LRRTM3: variants seen among roughly 807,000 people sequenced by gnomAD.
The protein encoded by LRRTM3 is leucine rich repeat transmembrane neuronal 3, also known as leucine-rich repeat transmembrane neuronal protein 3.
A neutral mutation model predicts 44.7 loss-of-function variants in LRRTM3; 24 were observed. The observed-to-expected ratio is 0.54, with a 90% CI of 0.39 to 0.76. The LOEUF (loss-of-function observed/expected upper bound fraction) is 0.76, where lower values mean the gene tolerates loss of function less well. Among genes scored for constraint, LRRTM3 ranks in the 30% least tolerant of loss-of-function variants. The pLI, the probability that LRRTM3 is intolerant of heterozygous loss-of-function variation, is 0.00. For synonymous variants in LRRTM3, 277 were observed against 278.7 expected, an observed-to-expected ratio of 0.99 and a Z score of 0.06; for missense variants, 587 against 702.2, an observed-to-expected ratio of 0.84 and a Z score of 1.85.
At chr10:66,998,027 C>T (rs1441992164) in intron 2 of LRRTM3, among the ~76,000 whole-genome samples, 1 of 152,214 alleles carries the variant, frequency 6.6e-6, no homozygotes, top group East Asian at 1.9e-4. Context: ...CCACCAGGCT[C>T]AGTTTCATCC....
intron 2 of LRRTM3, among the ~76,000 whole-genome samples, chr10:66,974,847 TTTAG>T (rs1411879173): frequency 6.6e-6 from 1 of 152,104 alleles, no homozygotes; most frequent in Non-Finnish European, 1.5e-5. Flanking sequence ...TTCATCTATA[TTTAG>T]TTGAGTTGTT....
intron 2 of LRRTM3, among the ~76,000 whole-genome samples, chr10:67,031,933 CAA>C (rs1350723070): frequency 2.6e-5 from 4 of 152,148 alleles, no homozygotes; most frequent in African/African-American, 7.2e-5. Flanking sequence ...TCAATAGTAA[CAA>C]TAACTTTAGC....
chr10:67,037,509 G>GT (rs1223486490), intron 2 of LRRTM3, among the ~76,000 whole-genome samples: 2 of 152,054 alleles, frequency 1.3e-5, no homozygotes, highest in Non-Finnish European at 2.9e-5. Context: ...AGATGTTTAG[G>GT]TAGAGGAGTG....
rs1275921429 is a variant in LRRTM3 at position 67,007,066 on chromosome 10, G to T, written c.1536+78614G>T. The stretch of plus-strand genomic sequence containing the variant: ...CCTGCTCAGCCTCCCAAAGTGCTGG[G>T]ATTACAGGCGTGAGCCACCACACCC... On this transcript the variant is annotated intron_variant, in intron 2 of 2. Coordinates refer to ENST00000361320, the MANE Select transcript of LRRTM3 (RefSeq NM_178011.5). Among the ~76,000 whole-genome samples the T allele has an allele frequency of 2.6e-5, 4 of 152,150 alleles. No individual in the cohort carries two copies. The East Asian group carries it at 7.7e-4, about 29-fold the overall frequency.
chr10:66,969,990 A>G (rs1371849818), intron 2 of LRRTM3, among the ~76,000 whole-genome samples: 3 of 152,132 alleles, frequency 2.0e-5, no homozygotes, highest in Admixed American at 6.5e-5. Context: ...CTCCCACATC[A>G]TTATTACAAA....
chr10:66,978,067 TACACAC>T lies in LRRTM3; in HGVS notation c.1536+49635_1536+49640del, dbSNP rs3056586. 2.7e-3 allele frequency among the ~76,000 whole-genome samples: 306 copies of T among 114,060 alleles called. 1 individual carries two copies. The highest frequency in any genetic ancestry group is 7.1e-3 in the African/African-American group (248 of 34,900). The allele number at this position is 114,060 out of a possible 152,430, so 74.8% of individuals were successfully genotyped here. ...ATTTGCACACACATATATATATATA[TACACAC>T]ACACACACACACACACACATGCGAT... On this transcript the variant is annotated intron_variant, in intron 2 of 2. Transcript: ENST00000361320.
At chr10:67,026,032 C>T (rs1480479170) in intron 2 of LRRTM3, among the ~76,000 whole-genome samples, 2 of 150,200 alleles carry the variant, frequency 1.3e-5, no homozygotes, top group East Asian at 3.9e-4. Context: ...ACCGCATGTT[C>T]TCATTCATAG....
chr10:66,997,427 C>A (rs1443972400), intron 2 of LRRTM3, among the ~76,000 whole-genome samples: 3 of 152,176 alleles, frequency 2.0e-5, no homozygotes, highest in Admixed American at 1.3e-4. Context: ...GCACTTTAAG[C>A]ATGATTTAAT....
intron 2 of LRRTM3, among the ~76,000 whole-genome samples, chr10:67,005,173 C>A (rs1851897783): frequency 6.6e-6 from 1 of 152,046 alleles, no homozygotes; most frequent in Admixed American, 6.6e-5. Flanking sequence ...CATTTTACTG[C>A]TTTTATTTAT....
At position 66,974,431 on chromosome 10, in the gene LRRTM3, A is replaced by C. The variant is rs551000200; in HGVS notation, c.1536+45979A>C. ...GTTGATGGACATTTAGGTTGCCTCC[A>C]GTTTTTGACTATTGTGAATTAAGCT... On this transcript the variant is annotated intron_variant, in intron 2 of 2. Coordinates refer to ENST00000361320, the MANE Select transcript of LRRTM3 (RefSeq NM_178011.5). Among the ~76,000 whole-genome samples, 3 of 152,276 alleles carry C rather than the reference A, an allele frequency of 2.0e-5. No homozygotes were observed. The East Asian group carries it at 5.8e-4, about 29-fold the overall frequency.
intron 2 of LRRTM3, among the ~76,000 whole-genome samples, chr10:67,081,813 G>A (rs1012983411): frequency 2.6e-5 from 4 of 152,088 alleles, no homozygotes; most frequent in African/African-American, 9.7e-5. Flanking sequence ...TCCCCTCTGA[G>A]GTCTTTCCTG....
intron 2 of LRRTM3, among the ~76,000 whole-genome samples, chr10:67,019,359 C>T (rs565048877): frequency 3.3e-5 from 5 of 152,176 alleles, no homozygotes; most frequent in Admixed American, 1.3e-4. Context: ...GCTGGGATTA[C>T]AGGCATGTGC....
chr10:67,050,100 C>T (rs2133180807), intron 2 of LRRTM3, among the ~76,000 whole-genome samples: 1 of 152,308 alleles, frequency 6.6e-6, no homozygotes, highest in East Asian at 1.9e-4. Context: ...TATACATTTC[C>T]TTCCTCTGAT....
At chr10:67,039,990 A>C (rs1854294724) in intron 2 of LRRTM3, among the ~76,000 whole-genome samples, 1 of 152,018 alleles carries the variant, frequency 6.6e-6, no homozygotes, top group South Asian at 2.1e-4. Flanking sequence ...CAGGAATGTC[A>C]CCCTGTCCTG....
At chr10:67,001,125 A>C (rs2132984761) in intron 2 of LRRTM3, among the ~76,000 whole-genome samples, 1 of 151,634 alleles carries the variant, frequency 6.6e-6, no homozygotes, top group South Asian at 2.1e-4. Flanking sequence ...ACATGATGAA[A>C]CCCTGTCTCT....
intron 2 of LRRTM3, among the ~76,000 whole-genome samples, chr10:67,089,959 C>T (rs1857532904): frequency 6.6e-6 from 1 of 151,938 alleles, no homozygotes; most frequent in Admixed American, 6.6e-5. Context: ...AGAAAAAATT[C>T]AAGACAAGTA....
At chr10:67,009,239 A>G (rs1458451736) in intron 2 of LRRTM3, among the ~76,000 whole-genome samples, 1 of 152,080 alleles carries the variant, frequency 6.6e-6, no homozygotes, top group Non-Finnish European at 1.5e-5. Flanking sequence ...TTATATTTAT[A>G]TTGGATCCCT....
At position 67,092,078 on chromosome 10, in the gene LRRTM3, C is replaced by T. The variant is rs74233476; in HGVS notation, c.1537-5509C>T. On this transcript the variant is annotated intron_variant, in intron 2 of 2. Coordinates refer to ENST00000361320, the MANE Select transcript of LRRTM3 (RefSeq NM_178011.5). ...CAAGATAAAATGCAGAAAAACATTTCGATAGTGACAAGGACTACATCTAAA... is the reference window on the plus strand; with the variant it reads ...CAAGATAAAATGCAGAAAAACATTTTGATAGTGACAAGGACTACATCTAAA... 0.013 allele frequency among the ~76,000 whole-genome samples: 1,366 copies of T among 104,344 alleles called. 54 individuals carry two copies. The East Asian group carries it at 0.14, about 10-fold the overall frequency. The allele number at this position is 104,344 out of a possible 152,430, so 68.5% of individuals were successfully genotyped here. A position where few individuals can be genotyped will look rare whatever the true frequency, so the allele number is the denominator to read the frequency against.
chr10:67,056,863 G>A (rs759476520), intron 2 of LRRTM3, among the ~76,000 whole-genome samples: 1 of 152,186 alleles, frequency 6.6e-6, no homozygotes, highest in African/African-American at 2.4e-5. Flanking sequence ...AGGTGCATAT[G>A]AGGTTACATC....
Sources: allele counts gnomAD v4.1 joint callset (sites outside exome capture counted in the v4.1 genomes callset), GRCh38; gene constraint gnomAD v4.1.1; transcripts MANE v1.5; gene names NCBI Gene and HGNC (gene_info 2026-07-23, HGNC 2026-07-21).